BET1: variants seen among roughly 807,000 people sequenced by gnomAD.
BET1 encodes the protein Bet1 golgi vesicular membrane trafficking protein, also known as BET1 homolog.
A neutral mutation model predicts 13.9 loss-of-function variants in BET1; 9 were observed. The ratio of observed to expected loss-of-function variants is 0.65; its 90% CI spans 0.39 to 1.13. The LOEUF (loss-of-function observed/expected upper bound fraction) is 1.13, where lower values mean the gene tolerates loss of function less well. Among genes scored for constraint, BET1 ranks in the 50% most tolerant of loss-of-function variants. The pLI is 0.01. For synonymous variants in BET1, 39 were observed against 47.3 expected (o/e 0.82, Z 0.72); for missense variants, 127 against 133.6 (o/e 0.95, Z 0.24).
intron 6 of BET1, among the ~76,000 whole-genome samples, chr7:93,971,944 A>G (rs1216136427): frequency 2.6e-5 from 4 of 151,624 alleles, no homozygotes; most frequent in Non-Finnish European, 4.4e-5. Flanking sequence ...CTTAAAAAAA[A>G]AAAAGCCATT....
At chr7:93,989,705 A>C (rs1795594653), downstream of BET1, among the ~76,000 whole-genome samples, 4 of 152,382 alleles carry the variant, frequency 2.6e-5, no homozygotes, top group South Asian at 8.3e-4. Context: ...CTGTGGAAAT[A>C]GGGTTTATGG....
intron 6 of BET1, among the ~76,000 whole-genome samples, chr7:93,972,207 T>G (rs1795268414): frequency 6.6e-6 from 1 of 151,876 alleles, no homozygotes; most frequent in South Asian, 2.1e-4. Flanking sequence ...TTGCTTCTCC[T>G]GTGTAACAAT....
At chr7:93,990,846 C>T (rs1164441244), downstream of BET1, among the ~76,000 whole-genome samples, 74 of 148,348 alleles carry the variant, frequency 5.0e-4, no homozygotes, top group Admixed American at 8.7e-4. Context: ...TTTTTTTTTT[C>T]GGTCAGAAAC....
intron 2 of BET1, 23 bp from the exon 3 acceptor site, chr7:93,996,344 A>G (rs767286971): frequency 6.8e-6 from 10 of 1,474,018 alleles, no homozygotes; most frequent in Non-Finnish European, 9.2e-7. Context: ...AGGTATACAC[A>G]GGATTACTCA....
At chr7:93,964,430 G>A (rs1795142830) in exon 7 of BET1, 1 of 152,042 alleles carries the variant, frequency 6.6e-6, no homozygotes, top group South Asian at 2.1e-4. Context: ...GCATGTTGCT[G>A]CAAAGGATAT....
At chr7:93,980,831 G>C (rs1795415228) in intron 4 of BET1, among the ~76,000 whole-genome samples, 1 of 152,096 alleles carries the variant, frequency 6.6e-6, no homozygotes, top group Non-Finnish European at 1.5e-5. Context: ...AACTGTCTGT[G>C]TTTGCTGATG....
chr7:93,977,616 G>A (rs967292899), intron 4 of BET1, among the ~76,000 whole-genome samples: 3 of 152,102 alleles, frequency 2.0e-5, no homozygotes, highest in East Asian at 3.9e-4. Flanking sequence ...TCAGCTCTCC[G>A]TTTCTCTCTC....
chr7:93,976,486 C>A (rs1795339188), intron 4 of BET1, among the ~76,000 whole-genome samples: 2 of 151,974 alleles, frequency 1.3e-5, no homozygotes, highest in South Asian at 4.1e-4. Context: ...TTGGTATTGT[C>A]ATTTTTATTT....
chr7:93,996,191 T>A (rs1795766838), intron 3 of BET1, 74 bp downstream of exon 3: 3 of 1,127,530 alleles, frequency 2.7e-6, no homozygotes, highest in Non-Finnish European at 3.9e-6. Context: ...TATTTCAAAA[T>A]GAATAAAAGT....
chr7:93,977,821 C>T (rs1213695368), intron 4 of BET1, among the ~76,000 whole-genome samples: 1 of 152,158 alleles, frequency 6.6e-6, no homozygotes, highest in Non-Finnish European at 1.5e-5. Context: ...ATATCTGACA[C>T]TTTCTTTAAT....
At chr7:93,984,180 A>G (rs923998429) in intron 4 of BET1, among the ~76,000 whole-genome samples, 2 of 151,994 alleles carry the variant, frequency 1.3e-5, no homozygotes, top group African/African-American at 4.8e-5. Context: ...ATATTGCTCA[A>G]TCTCTGCCTC....
chr7:93,993,007 AG>A (rs1162642318), downstream of BET1: 2 of 984,628 alleles, frequency 2.0e-6, no homozygotes, highest in African/African-American at 3.5e-5. Context: ...CCAAACTGAC[AG>A]GTTATTAGGG....
chr7:93,969,805 A>G (rs1795230669), intron 6 of BET1: 2 of 151,768 alleles, frequency 1.3e-5, no homozygotes, highest in Non-Finnish European at 2.9e-5. Flanking sequence ...ATTCTTCAAG[A>G]TTCTGGAAAT....
rs867228617 is a variant in BET1, at chr7:93,993,945, T to C, written c.*285A>G. Reference sequence around the variant, plus strand: ...TGATTACAACAAAATATTATAATGCTATTTAATCTGACAGTTGGCAAACAA... The same window carrying C: ...TGATTACAACAAAATATTATAATGCCATTTAATCTGACAGTTGGCAAACAA... On this transcript the variant is annotated 3_prime_UTR_variant, in exon 4 of 4. Coordinates refer to ENST00000222547, the MANE Select transcript of BET1 (RefSeq NM_005868.6). 2 of 1,534,632 alleles carry C rather than the reference T, an allele frequency of 1.3e-6. No individual in the cohort carries two copies. The highest frequency in any genetic ancestry group is 1.7e-4 in the Middle Eastern group (1 of 5,990).
intron 6 of BET1, among the ~76,000 whole-genome samples, chr7:93,971,613 A>T (rs984813364): frequency 6.6e-6 from 1 of 151,562 alleles, no homozygotes; most frequent in Non-Finnish European, 1.5e-5. Context: ...CCTAGTAAAC[A>T]TTTTTTGTCC....
chr7:93,983,763 G>GA (rs1028892693), intron 4 of BET1, among the ~76,000 whole-genome samples: 21 of 149,280 alleles, frequency 1.4e-4, no homozygotes, highest in South Asian at 1.1e-3. Context: ...TTGCAAAAAA[G>GA]AAAAAAAAAG....
At chr7:93,969,008 A>G (rs1353738790) in intron 6 of BET1, among the ~76,000 whole-genome samples, 1 of 151,830 alleles carries the variant, frequency 6.6e-6, no homozygotes, top group East Asian at 1.9e-4. Context: ...TCTGTGAAAG[A>G]TGAGATAGAA....
At chr7:93,988,323 G>T (rs1010763149), downstream of BET1, among the ~76,000 whole-genome samples, 1 of 152,084 alleles carries the variant, frequency 6.6e-6, no homozygotes, top group Non-Finnish European at 1.5e-5. Context: ...CACTGTTTAT[G>T]TGCATAGGCC....
At chr7:93,995,324 T>C (rs975383648) in intron 3 of BET1, among the ~76,000 whole-genome samples, 1 of 152,202 alleles carries the variant, frequency 6.6e-6, no homozygotes, top group Non-Finnish European at 1.5e-5. Flanking sequence ...GAGGCTTAGG[T>C]AGGGACTAGA....
Sources: allele counts gnomAD v4.1 joint callset (sites outside exome capture counted in the v4.1 genomes callset), GRCh38; gene constraint gnomAD v4.1.1; transcripts MANE v1.5; gene names NCBI Gene and HGNC (gene_info 2026-07-23, HGNC 2026-07-21).